The following MAPK14 variants were observed in gnomAD, a reference collection of about 807,000 sequenced individuals.
The protein encoded by MAPK14 is CSAID-binding protein.
MAPK14 carries 16 observed loss-of-function variants against 49.6 expected under a neutral mutation model. The observed-to-expected ratio is 0.32, with a 90% CI of 0.22 to 0.49. The LOEUF (loss-of-function observed/expected upper bound fraction) is 0.49, where lower values mean the gene tolerates loss of function less well. Ranked by LOEUF, MAPK14 falls within the 20% of genes least tolerant of loss-of-function variation. The pLI is 0.99. For missense variants in MAPK14, 200 were observed against 441.2 expected (o/e 0.45, Z 4.90); for synonymous variants, 142 against 158.0 (o/e 0.90, Z 0.76).
In MAPK14 at chr6:36,108,501, C is replaced by A; in HGVS notation, c.*54C>A. ...CTTCACTGTGAGGGGAAGGCCTTTTCACGGGAACTCTCCAAATATTATTCA... is the reference window on the plus strand; with the variant it reads ...CTTCACTGTGAGGGGAAGGCCTTTTAACGGGAACTCTCCAAATATTATTCA... On this transcript the variant is annotated 3_prime_UTR_variant, in exon 12 of 12. Transcript: ENST00000229794. 1 of 1,380,206 alleles carries A rather than the reference C, an allele frequency of 7.2e-7. No individual in the cohort carries two copies. Among genetic ancestry groups the A allele is most frequent in the Non-Finnish European group, 1.0e-6 (1 of 966,570 alleles). The allele number at this position is 1,380,206 out of a possible 1,614,324, so 85.5% of individuals were successfully genotyped here.
At chr6:36,081,727 C>T (rs1488810657) in intron 8 of MAPK14, among the ~76,000 whole-genome samples, 1 of 151,980 alleles carries the variant, frequency 6.6e-6, no homozygotes, top group Non-Finnish European at 1.5e-5. Context: ...ATTCTGGGTC[C>T]CTTGTAATTT....
At chr6:36,049,098 C>G (rs1763297780) in intron 1 of MAPK14, among the ~76,000 whole-genome samples, 2 of 152,052 alleles carry the variant, frequency 1.3e-5, no homozygotes, top group Non-Finnish European at 2.9e-5. Flanking sequence ...GTGACTATGT[C>G]AATTACTAAT....
chr6:36,069,132 T>C (rs7775290), intron 3 of MAPK14, among the ~76,000 whole-genome samples: 21,821 of 152,242 alleles, frequency 0.14, 1,947 homozygotes, highest in African/African-American at 0.26. Flanking sequence ...TTAGGTGTTA[T>C]ATACATTGAC....
intron 6 of MAPK14, among the ~76,000 whole-genome samples, chr6:36,075,027 C>T (rs926296676): frequency 1.3e-5 from 2 of 151,632 alleles, no homozygotes; most frequent in Non-Finnish European, 2.9e-5. Flanking sequence ...GAGATAGAGA[C>T]CATCTTGGCC....
intron 3 of MAPK14, among the ~76,000 whole-genome samples, chr6:36,062,790 T>G (rs1763877060): frequency 6.6e-6 from 1 of 151,950 alleles, no homozygotes; most frequent in African/African-American, 2.4e-5. Context: ...CACAAGTAGC[T>G]GGGATTACAG....
At chr6:36,063,325 C>T (rs1248811733) in intron 3 of MAPK14, among the ~76,000 whole-genome samples, 1 of 152,138 alleles carries the variant, frequency 6.6e-6, no homozygotes, top group Non-Finnish European at 1.5e-5. Context: ...TAGTGGCTTA[C>T]TCCTATAATC....
Position 36,028,526 on chromosome 6 carries a change from C to T in MAPK14, c.116+253C>T, listed in dbSNP as rs1407037721. Among the ~76,000 whole-genome samples, 1 of 152,224 alleles carries T rather than the reference C, an allele frequency of 6.6e-6. No homozygotes were observed. The highest frequency in any genetic ancestry group is 1.5e-5 in the Non-Finnish European group (1 of 68,036). On this transcript the variant is annotated intron_variant, in intron 1 of 11. Coordinates refer to ENST00000229794, the MANE Select transcript of MAPK14 (RefSeq NM_139012.3). This position sits in a 1 kb window ranked among gnomAD's most constrained non-coding sequence, Gnocchi z 5.1. ...TAGGTGGTGGTGCTGGAGCTCGGTTCTGGCTAGCACCCTGCGCCTTCCCCT... is the reference window on the plus strand; with the variant it reads ...TAGGTGGTGGTGCTGGAGCTCGGTTTTGGCTAGCACCCTGCGCCTTCCCCT...
At chr6:36,075,225 CAAAAAAAAAAA>C (rs70975130) in intron 6 of MAPK14, among the ~76,000 whole-genome samples, 1 of 62,942 alleles carries the variant, frequency 1.6e-5, no homozygotes. Context: ...GACTCCGTCT[CAAAAAAAAAAA>C]AAAAAAAAAA....
the MAPK14 span, among the ~76,000 whole-genome samples, chr6:36,124,146 CCCTCCCTT>C: frequency 4.8e-5 from 2 of 41,638 alleles, no homozygotes; most frequent in Admixed American, 2.3e-4. Flanking sequence ...CTCCCTCCCT[CCCTCCCTT>C]CCTTCCTTCC....
chr6:36,064,844 A>G lies in MAPK14; in HGVS notation c.305+5497A>G, dbSNP rs188020411. Among the ~76,000 whole-genome samples the G allele has an allele frequency of 4.6e-5, 7 of 152,328 alleles. No homozygotes were observed. In the East Asian group the frequency reaches 1.4e-3, roughly 29 times the overall value. On this transcript the variant is annotated intron_variant, in intron 3 of 11. Transcript: ENST00000229794. Reference sequence around the variant, plus strand: ...GAAGAACAATGTAAATGATCAAACAAAATACCATGTGGTAAGACCTGAAAG... The same window carrying G: ...GAAGAACAATGTAAATGATCAAACAGAATACCATGTGGTAAGACCTGAAAG...
intron 8 of MAPK14, among the ~76,000 whole-genome samples, chr6:36,078,691 A>G (rs1364731763): frequency 2.0e-5 from 3 of 152,112 alleles, no homozygotes; most frequent in Admixed American, 2.0e-4. Flanking sequence ...TTAGTTATTT[A>G]TTTTATTCTA....
At chr6:36,104,426 C>T (rs1023455529) in intron 10 of MAPK14, among the ~76,000 whole-genome samples, 12 of 151,968 alleles carry the variant, frequency 7.9e-5, no homozygotes, top group African/African-American at 2.4e-4. Flanking sequence ...CTCGCTCTGT[C>T]GTCCAGGTTG....
At chr6:36,118,855 C>T in the MAPK14 span, among the ~76,000 whole-genome samples, 1 of 152,276 alleles carries the variant, frequency 6.6e-6, no homozygotes, top group South Asian at 2.1e-4. Flanking sequence ...CCCTGCTTCA[C>T]GGTGAGGAAA....
the MAPK14 span, among the ~76,000 whole-genome samples, chr6:36,123,124 G>C: frequency 6.6e-6 from 1 of 152,056 alleles, no homozygotes; most frequent in Non-Finnish European, 1.5e-5. Context: ...GGGAGGGAAG[G>C]AAAGAGGAAG....
At chr6:36,091,625 G>A (rs1765233348) in intron 8 of MAPK14, among the ~76,000 whole-genome samples, 1 of 152,118 alleles carries the variant, frequency 6.6e-6, no homozygotes, top group Non-Finnish European at 1.5e-5. Context: ...TTGGAAGACT[G>A]GCCTGTATTT....
chr6:36,074,109 G>C lies in MAPK14; in HGVS notation c.495+13G>C. On this transcript the variant is annotated intron_variant, in intron 6 of 11. Coordinates refer to ENST00000229794, the MANE Select transcript of MAPK14 (RefSeq NM_139012.3). ...CTGTGAGCTGAAGGTAAAATGAAGAGACAGTATTCATTGTTTGCTTTACTT... is the reference window on the plus strand; with the variant it reads ...CTGTGAGCTGAAGGTAAAATGAAGACACAGTATTCATTGTTTGCTTTACTT... The C allele has an allele frequency of 6.2e-7, 1 of 1,607,054 alleles. No individual in the cohort carries two copies. The highest frequency in any genetic ancestry group is 8.5e-7 in the Non-Finnish European group (1 of 1,173,914).
At chr6:36,116,439 C>G in the MAPK14 span, among the ~76,000 whole-genome samples, 5 of 151,736 alleles carry the variant, frequency 3.3e-5, no homozygotes, top group East Asian at 9.7e-4. Context: ...TATTAATATG[C>G]AGAAAAGTAT....
chr6:36,077,672 G>A (rs551447708), intron 8 of MAPK14, among the ~76,000 whole-genome samples: 4 of 152,186 alleles, frequency 2.6e-5, no homozygotes, highest in Non-Finnish European at 5.9e-5. Context: ...TATTTCTCAG[G>A]TAAAGCTGTT....
At chr6:36,116,966 T>G in the MAPK14 span, among the ~76,000 whole-genome samples, 2 of 152,190 alleles carry the variant, frequency 1.3e-5, no homozygotes, top group East Asian at 3.8e-4. Context: ...TCCAAAGAGT[T>G]TTATAGCATT....
Sources: allele counts gnomAD v4.1 joint callset (sites outside exome capture counted in the v4.1 genomes callset), GRCh38; gene constraint gnomAD v4.1.1; non-coding constraint Gnocchi (gnomAD v3.1); transcripts MANE v1.5; gene names NCBI Gene and HGNC (gene_info 2026-07-23, HGNC 2026-07-21).